The following CYLD variants were observed in gnomAD, a reference collection of about 807,000 sequenced individuals.
CYLD encodes the protein ubiquitin carboxyl-terminal hydrolase CYLD.
Under a neutral mutation model 104.5 loss-of-function variants are expected in CYLD, and 26 were observed. That is an observed-to-expected ratio of 0.25 (90% confidence interval 0.18 to 0.35). The LOEUF (loss-of-function observed/expected upper bound fraction) is 0.35. Ranked by LOEUF, CYLD falls within the 10% of genes least tolerant of loss-of-function variation. CYLD has a pLI of 1.00. For missense variants in CYLD, 703 were observed against 1,136.1 expected (o/e 0.62, Z 5.48); for synonymous variants, 385 against 399.9 (o/e 0.96, Z 0.45).
intron 14 of CYLD, among the ~76,000 whole-genome samples, chr16:50,790,939 T>C (rs1971375714): frequency 6.6e-6 from 1 of 152,194 alleles, no homozygotes; most frequent in South Asian, 2.1e-4. Context: ...AACACTGTGA[T>C]TGGCATATGG....
chr16:50,801,038 G>A lies in CYLD; in HGVS notation c.*4530G>A, dbSNP rs748716852. On this transcript the variant is annotated 3_prime_UTR_variant, in exon 19 of 19. Transcript: ENST00000427738. ...ATTGCCCCTCTTGACAGAGACTAGG[G>A]TTTTAGACTGAGGCTTCCTGCAGGG... The A allele has an allele frequency of 4.3e-6, 1 of 233,426 alleles. No individual in the cohort carries two copies. Among genetic ancestry groups the A allele is most frequent in the Non-Finnish European group, 8.5e-6 (1 of 118,144 alleles). The allele number at this position is 233,426 out of a possible 1,614,324, so 14.5% of individuals were successfully genotyped here. A position where few individuals can be genotyped will look rare whatever the true frequency, so the allele number is the denominator to read the frequency against.
At position 50,776,252 on chromosome 16, in the gene CYLD, C is replaced by G. The variant is rs1020357056; in HGVS notation, c.996C>G (p.Ser332=). 1 of 1,613,308 alleles carries G rather than the reference C, an allele frequency of 6.2e-7. No individual in the cohort carries two copies. The highest frequency in any genetic ancestry group is 1.3e-5 in the African/African-American group (1 of 74,982). The change falls in exon 7 of 19, where the codon TCC becomes TCG. Residue 332 remains serine (S), a synonymous_variant. Transcript: ENST00000427738. ...MSRGVGDKGS[S]SHNKPKATGS... ...GAGGTGTTGGGGACAAAGGTTCATC[C>G]AGTCATAATAAACCAAAGGCTACAG...
intron 16 of CYLD, 147 bp downstream of exon 16, chr16:50,792,852 ATT>A: frequency 1.7e-6 from 1 of 573,266 alleles, no homozygotes; most frequent in Non-Finnish European, 3.1e-6. Context: ...GAAACCAGTC[ATT>A]TTATTTCTAG....
Position 50,801,001 on chromosome 16 carries a change from G to A in CYLD, c.*4493G>A, listed in dbSNP as rs575852312. ...GGCCTTATGAAGACCAGGATTCTGCGGGTGTCAGGGGATTGCCCCTCTTGA... is the reference window on the plus strand; with the variant it reads ...GGCCTTATGAAGACCAGGATTCTGCAGGTGTCAGGGGATTGCCCCTCTTGA... On this transcript the variant is annotated 3_prime_UTR_variant, in exon 19 of 19. Transcript: ENST00000427738. 5 of 233,404 alleles carry A rather than the reference G, an allele frequency of 2.1e-5. No individual in the cohort carries two copies. Among genetic ancestry groups the A allele is most frequent in the African/African-American group, 4.4e-5 (2 of 45,362 alleles). The allele number at this position is 233,404 out of a possible 1,614,324, so 14.5% of individuals were successfully genotyped here. A position where few individuals can be genotyped will look rare whatever the true frequency, so the allele number is the denominator to read the frequency against.
intron 12 of CYLD, 82 bp from the exon 13 acceptor site, chr16:50,786,773 A>T: frequency 9.2e-7 from 1 of 1,089,632 alleles, no homozygotes; most frequent in Non-Finnish European, 1.4e-6. Context: ...AAAAAAAAAA[A>T]GAAAAAAAGA....
chr16:50,767,514 AT>A (rs1477536827), intron 5 of CYLD, among the ~76,000 whole-genome samples: 1 of 151,570 alleles, frequency 6.6e-6, no homozygotes, highest in Non-Finnish European at 1.5e-5. Context: ...AGCTCAAAAA[AT>A]AATTAAAAAA....
intron 5 of CYLD, among the ~76,000 whole-genome samples, chr16:50,755,105 A>ATG: frequency 2.3e-5 from 1 of 42,758 alleles, no homozygotes; most frequent in African/African-American, 1.5e-4. Flanking sequence ...ATACATATAT[A>ATG]CACACATATA....
chr16:50,782,519 C>T (rs1597059069), intron 11 of CYLD, 53 bp downstream of exon 11: 1 of 1,585,612 alleles, frequency 6.3e-7, no homozygotes, highest in Non-Finnish European at 8.7e-7. Context: ...GGCAGGGACA[C>T]ATACCGGTGT....
intron 14 of CYLD, among the ~76,000 whole-genome samples, chr16:50,788,973 T>G (rs1971139684): frequency 6.6e-6 from 1 of 152,202 alleles, no homozygotes; most frequent in African/African-American, 2.4e-5. Context: ...TAAAGATGAT[T>G]ACATAATAAT....
At chr16:50,761,947 G>A (rs1967990450) in intron 5 of CYLD, among the ~76,000 whole-genome samples, 1 of 152,184 alleles carries the variant, frequency 6.6e-6, no homozygotes, top group African/African-American at 2.4e-5. Context: ...ATTTCCACGT[G>A]TAGCGTGGTA....
At chr16:50,764,804 G>A (rs1421775875) in intron 5 of CYLD, among the ~76,000 whole-genome samples, 1 of 152,110 alleles carries the variant, frequency 6.6e-6, no homozygotes, top group Non-Finnish European at 1.5e-5. Flanking sequence ...GACCAGTGAT[G>A]CTTCTAAACT....
At position 50,747,475 on chromosome 16, in the gene CYLD, T is replaced by C. The variant is rs868193792; in HGVS notation, c.-123-2101T>C. The stretch of plus-strand genomic sequence containing the variant: ...TAACAGCCTTGCAGATCAAGAGTTA[T>C]GCAAAATAATTTACAGTCATAATGA... On this transcript the variant is annotated intron_variant, in intron 2 of 18. Coordinates refer to ENST00000427738, the MANE Select transcript of CYLD (RefSeq NM_001378743.1). 3.3e-5 allele frequency among the ~76,000 whole-genome samples: 5 copies of C among 152,328 alleles called. No individual in the cohort carries two copies. The South Asian group carries it at 6.2e-4, about 19-fold the overall frequency.
chr16:50,777,447 AG>A (rs1969801692), intron 7 of CYLD, among the ~76,000 whole-genome samples: 1 of 152,206 alleles, frequency 6.6e-6, no homozygotes, highest in Non-Finnish European at 1.5e-5. Flanking sequence ...TTAAAATAAT[AG>A]GTTAAATTTG....
rs561169598 is a variant in CYLD at position 50,767,116 on chromosome 16, C to T, written c.914-8050C>T. On this transcript the variant is annotated intron_variant, in intron 5 of 18. Transcript: ENST00000427738. Reference sequence around the variant, plus strand: ...GTTGTCTTATTTTAGGAAATTGCCACGGTCACTCCAACTTTCAGCAACCAT... The same window carrying T: ...GTTGTCTTATTTTAGGAAATTGCCATGGTCACTCCAACTTTCAGCAACCAT... Among the ~76,000 whole-genome samples the T allele has an allele frequency of 1.1e-4, 17 of 152,290 alleles. No homozygotes were observed. The South Asian group carries it at 3.1e-3, about 28-fold the overall frequency.
intron 5 of CYLD, among the ~76,000 whole-genome samples, chr16:50,756,242 GA>G (rs1177794268): frequency 1.3e-5 from 2 of 152,126 alleles, no homozygotes; most frequent in African/African-American, 2.4e-5. Flanking sequence ...CTTAGTGGGG[GA>G]AAAACCCTTC....
chr16:50,778,125 GT>G (rs1969869793), intron 8 of CYLD, 184 bp downstream of exon 8: 1 of 541,794 alleles, frequency 1.8e-6, no homozygotes, highest in Admixed American at 3.2e-5. Flanking sequence ...TTATTAAAAT[GT>G]TTAAGAAATG....
chr16:50,755,171 A>G (rs1382094187), intron 5 of CYLD, among the ~76,000 whole-genome samples: 7 of 39,646 alleles, frequency 1.8e-4, no homozygotes, highest in Non-Finnish European at 3.0e-4. Context: ...ACGTGTACAT[A>G]TGTGTGTGTA....
At chr16:50,780,443 A>G (rs1970111756) in intron 9 of CYLD, among the ~76,000 whole-genome samples, 1 of 152,118 alleles carries the variant, frequency 6.6e-6, no homozygotes, top group South Asian at 2.1e-4. Flanking sequence ...CCTTTGCTAG[A>G]GGGAAAGGTT....
At chr16:50,796,073 G>A (rs371120518) in intron 18 of CYLD, among the ~76,000 whole-genome samples, 2 of 152,170 alleles carry the variant, frequency 1.3e-5, no homozygotes, top group Non-Finnish European at 2.9e-5. Flanking sequence ...TGGAAAGTAG[G>A]TTGGGGGCTT....
Sources: gnomAD v4.1 joint callset for allele counts (sites outside exome capture counted in the v4.1 genomes callset) on GRCh38, gnomAD v4.1.1 for gene constraint, MANE v1.5 for transcripts, NCBI Gene and HGNC (gene_info 2026-07-23, HGNC 2026-07-21) for gene names.